PRICKLE2: variants seen among roughly 807,000 people sequenced by gnomAD.
PRICKLE2 encodes prickle-like protein 2.
In PRICKLE2, 21 loss-of-function variants were observed where a neutral mutation model predicts 81.4. The ratio of observed to expected loss-of-function variants is 0.26; its 90% CI spans 0.18 to 0.37. PRICKLE2 has a LOEUF of 0.37. Among genes scored for constraint, PRICKLE2 ranks in the 10% least tolerant of loss-of-function variants. The pLI, the probability that PRICKLE2 is intolerant of heterozygous loss-of-function variation, is 1.00. For missense variants in PRICKLE2, 940 were observed against 1,109.0 expected (o/e 0.85, Z 2.16); for synonymous variants, 456 against 421.5 (o/e 1.08, Z -1.00).
intron 2 of PRICKLE2, among the ~76,000 whole-genome samples, chr3:64,198,164 A>G (rs1433716732): frequency 6.6e-6 from 1 of 151,938 alleles, no homozygotes; most frequent in Non-Finnish European, 1.5e-5. Context: ...GTGAGCCAAG[A>G]TCGCGCCACT....
At chr3:64,117,933 C>T (rs990589352) in intron 7 of PRICKLE2, among the ~76,000 whole-genome samples, 2 of 152,144 alleles carry the variant, frequency 1.3e-5, no homozygotes, top group African/African-American at 2.4e-5. Context: ...GAAGGCATCA[C>T]ATTTCCCAAC....
Position 64,147,209 on chromosome 3 carries a change from G to C in PRICKLE2, c.1281C>G (p.Ser427=). 1.2e-6 allele frequency: 2 copies of C among 1,611,628 alleles called. No individual in the cohort carries two copies. The highest frequency in any genetic ancestry group is 1.3e-5 in the African/African-American group (1 of 74,902). The stretch of plus-strand genomic sequence containing the variant: ...CAGCCCCTTGCCCTCCTGGACTGTA[G>C]GAAGTTCTGATGTTGCACTGGCTGA... The part of the protein sequence containing the change: ...QLLSQCNIRT[S]YSPGGQGAGA... The change falls in exon 7 of 8, where the codon TCC becomes TCG. Residue 427 remains serine (S), a synonymous_variant. Transcript: ENST00000638394. This position sits in a 1 kb window ranked among gnomAD's most constrained non-coding sequence, Gnocchi z 5.0.
At chr3:64,203,992 CACAT>C (rs1384737183) in intron 1 of PRICKLE2, among the ~76,000 whole-genome samples, 2 of 151,826 alleles carry the variant, frequency 1.3e-5, no homozygotes, top group East Asian at 3.9e-4. Flanking sequence ...CACACACACA[CACAT>C]ACACTCTAAA....
chr3:64,155,329 T>C (rs370175149), intron 5 of PRICKLE2, among the ~76,000 whole-genome samples: 116 of 150,478 alleles, frequency 7.7e-4, no homozygotes, highest in African/African-American at 2.5e-3. Context: ...AAAACCTCAA[T>C]GTGATACTAC....
chr3:64,168,792 T>C (rs568386559), intron 2 of PRICKLE2, among the ~76,000 whole-genome samples: 3 of 152,132 alleles, frequency 2.0e-5, no homozygotes, highest in African/African-American at 7.2e-5. Flanking sequence ...AGATTCCCAA[T>C]AGGTCTGCGT....
chr3:64,151,636 G>T lies in PRICKLE2; in HGVS notation c.787+1546C>A, dbSNP rs545039039. Among the ~76,000 whole-genome samples, 9 of 152,296 alleles carry T rather than the reference G, an allele frequency of 5.9e-5. No individual in the cohort carries two copies. The South Asian group carries it at 1.7e-3, about 28-fold the overall frequency. On this transcript the variant is annotated intron_variant, in intron 6 of 7. Coordinates refer to ENST00000638394, the MANE Select transcript of PRICKLE2 (RefSeq NM_198859.4). The stretch of plus-strand genomic sequence containing the variant: ...TGCACACATGGCCCCTCTCATCTGA[G>T]CAAGTGTGCACTTGCAGACTTGAAT...
chr3:64,159,303 C>T (rs1213979588), intron 4 of PRICKLE2, among the ~76,000 whole-genome samples: 2 of 152,244 alleles, frequency 1.3e-5, no homozygotes, highest in Non-Finnish European at 2.9e-5. Flanking sequence ...TTTACCTCCC[C>T]TTTAAATGGC....
rs550960085 is a variant in PRICKLE2, at chr3:64,128,604, G to A, written c.1660+18226C>T. Among the ~76,000 whole-genome samples, 12 of 152,084 alleles carry A rather than the reference G, an allele frequency of 7.9e-5. No homozygotes were observed. The South Asian group carries it at 1.7e-3, about 21-fold the overall frequency. On this transcript the variant is annotated intron_variant, in intron 7 of 7. Coordinates refer to ENST00000638394, the MANE Select transcript of PRICKLE2 (RefSeq NM_198859.4). Reference sequence around the variant, plus strand: ...CTACTAAAAATACAAAAAATTAGCCGGGTGTGGTGGTATGCACCTGTAATC... The same window carrying A: ...CTACTAAAAATACAAAAAATTAGCCAGGTGTGGTGGTATGCACCTGTAATC...
chr3:64,204,016 AAAC>A (rs556857289), intron 1 of PRICKLE2, among the ~76,000 whole-genome samples: 13 of 151,996 alleles, frequency 8.6e-5, no homozygotes, highest in African/African-American at 2.7e-4. Flanking sequence ...AACAAAAACA[AAAC>A]AACAACAACA....
chr3:64,250,272 G>T (rs1489035415), intron 2 of PRICKLE2, among the ~76,000 whole-genome samples: 3 of 152,186 alleles, frequency 2.0e-5, no homozygotes, highest in Admixed American at 6.5e-5. Context: ...GGGCTGTCTT[G>T]TGTACTGTAG....
intron 2 of PRICKLE2, chr3:64,163,641 A>G (rs916196558): frequency 5.4e-6 from 1 of 185,938 alleles, no homozygotes; most frequent in Non-Finnish European, 1.1e-5. Context: ...TAAGGCAGGC[A>G]GCAGCTGACA....
At position 64,147,198 on chromosome 3, in the gene PRICKLE2, C is replaced by T; in HGVS notation, c.1292G>A (p.Gly431Glu). 1 of 1,612,774 alleles carries T rather than the reference C, an allele frequency of 6.2e-7. No individual in the cohort carries two copies. Among genetic ancestry groups the T allele is most frequent in the African/African-American group, 1.3e-5 (1 of 74,940 alleles). ...GGGCTGGGCCCCAGCCCCTTGCCCT[C>T]CTGGACTGTAGGAAGTTCTGATGTT... Reference protein sequence around the residue: ...QCNIRTSYSPGGQGAGAQPEM... With the variant: ...QCNIRTSYSPEGQGAGAQPEM... The change falls in exon 7 of 8, where the codon GGA (glycine) becomes GAA (glutamate). Residue 431 changes from glycine to glutamate, a missense_variant. Gly to Glu is a moderately conservative substitution (Grantham distance 98). Around this residue, in one of 2 missense-constraint regions of PRICKLE2, gnomAD observed 670 missense variants for 717.2 expected, o/e 0.93. Coordinates refer to ENST00000638394, the MANE Select transcript of PRICKLE2 (RefSeq NM_198859.4). The surrounding 1 kb of genome is among the most constrained non-coding windows in gnomAD (Gnocchi z 5.0).
chr3:64,208,308 T>A (rs1282665624), intron 1 of PRICKLE2, among the ~76,000 whole-genome samples: 1 of 152,146 alleles, frequency 6.6e-6, no homozygotes, highest in African/African-American at 2.4e-5. Context: ...GTCAGAGTTG[T>A]TAAAATTGAG....
chr3:64,130,700 C>T (rs161661), intron 7 of PRICKLE2, among the ~76,000 whole-genome samples: 70,042 of 151,980 alleles, frequency 0.46, 16,798 homozygotes, highest in East Asian at 0.82. Context: ...TTGGTCTTAA[C>T]ACTATGGTTC....
chr3:64,152,899 C>T (rs1052920406), intron 6 of PRICKLE2, among the ~76,000 whole-genome samples: 1 of 152,118 alleles, frequency 6.6e-6, no homozygotes, highest in East Asian at 1.9e-4. Context: ...GTCATCTCGA[C>T]CATTAGGTGA....
At chr3:64,160,975 C>T (rs2077723767) in intron 3 of PRICKLE2, among the ~76,000 whole-genome samples, 1 of 151,740 alleles carries the variant, frequency 6.6e-6, no homozygotes, top group Admixed American at 6.6e-5. Context: ...AACAAACAAA[C>T]AAACAAACAA....
At chr3:64,132,408 C>A (rs1441814412) in intron 7 of PRICKLE2, among the ~76,000 whole-genome samples, 1 of 152,176 alleles carries the variant, frequency 6.6e-6, no homozygotes, top group African/African-American at 2.4e-5. Context: ...TGCTAGGCTG[C>A]AGCTTGGCTG....
upstream of PRICKLE2, among the ~76,000 whole-genome samples, chr3:64,228,249 C>A (rs1033429489): frequency 2.0e-5 from 3 of 152,246 alleles, no homozygotes; most frequent in East Asian, 5.8e-4. Context: ...AAGAGCTTGG[C>A]AATCAGAGAG....
At chr3:64,209,477 C>G (rs1344864525) in intron 1 of PRICKLE2, among the ~76,000 whole-genome samples, 1 of 152,020 alleles carries the variant, frequency 6.6e-6, no homozygotes, top group African/African-American at 2.4e-5. Flanking sequence ...CATATCCATA[C>G]ATACAACTAT....
Sources: allele counts gnomAD v4.1 joint callset (sites outside exome capture counted in the v4.1 genomes callset), GRCh38; gene constraint gnomAD v4.1.1; regional missense constraint gnomAD v4.1.1; non-coding constraint Gnocchi (gnomAD v3.1); transcripts MANE v1.5; gene names NCBI Gene and HGNC (gene_info 2026-07-23, HGNC 2026-07-21).